The following FER variants were observed in gnomAD, a reference collection of about 807,000 sequenced individuals.
FER encodes the protein tyrosine-protein kinase Fer.
In FER, 63 loss-of-function variants were observed where a neutral mutation model predicts 111.0. That is an observed-to-expected ratio of 0.57 (90% CI 0.46 to 0.70). The LOEUF is 0.70. Among genes scored for constraint, FER ranks in the 30% least tolerant of loss-of-function variants. The pLI is 0.00. For synonymous variants in FER, 327 were observed against 313.9 expected, an observed-to-expected ratio of 1.04 and a Z score of -0.44; for missense variants, 914 against 954.0, an observed-to-expected ratio of 0.96 and a Z score of 0.55.
chr5:108,898,513 C>A (rs977643241), intron 10 of FER, among the ~76,000 whole-genome samples: 1 of 148,206 alleles, frequency 6.7e-6, no homozygotes, highest in Non-Finnish European at 1.5e-5. Context: ...TCTCTCCTTT[C>A]TCCTTCTTCC....
chr5:108,764,796 A>G (rs1374753539), intron 1 of FER, among the ~76,000 whole-genome samples: 1 of 152,198 alleles, frequency 6.6e-6, no homozygotes, highest in Non-Finnish European at 1.5e-5. Context: ...AACTAAGGGG[A>G]TATTTATTAG....
chr5:108,751,600 G>T (rs1750518931), intron 1 of FER, among the ~76,000 whole-genome samples: 1 of 152,130 alleles, frequency 6.6e-6, no homozygotes, highest in Non-Finnish European at 1.5e-5. Flanking sequence ...TAAAATTTTG[G>T]TAACTTGATA....
intron 16 of FER, among the ~76,000 whole-genome samples, chr5:109,091,802 A>C (rs966936996): frequency 5.3e-5 from 8 of 152,174 alleles, no homozygotes; most frequent in Admixed American, 4.6e-4. Flanking sequence ...CCCCCTGGAC[A>C]CACACACTTC....
intron 17 of FER, among the ~76,000 whole-genome samples, chr5:109,117,906 G>A (rs1184375382): frequency 6.6e-6 from 1 of 151,902 alleles, no homozygotes; most frequent in African/African-American, 2.4e-5. Flanking sequence ...AGAAGATTTT[G>A]GGGTGAGACG....
chr5:108,996,635 C>A (rs1349457280), intron 13 of FER, among the ~76,000 whole-genome samples: 1 of 152,170 alleles, frequency 6.6e-6, no homozygotes, highest in African/African-American at 2.4e-5. Context: ...TGTTTTAATA[C>A]CAGTACCATG....
intron 16 of FER, among the ~76,000 whole-genome samples, chr5:109,098,871 T>C (rs760764616): frequency 6.6e-6 from 1 of 151,666 alleles, no homozygotes; most frequent in Non-Finnish European, 1.5e-5. Context: ...ATTTGTATAA[T>C]ACTTAATCTG....
chr5:109,046,364 C>T (rs1011556772), intron 15 of FER, among the ~76,000 whole-genome samples: 7 of 151,758 alleles, frequency 4.6e-5, no homozygotes, highest in African/African-American at 7.3e-5. Flanking sequence ...TATATATATG[C>T]GCTACCCTAG....
chr5:109,022,069 A>G (rs1267121112), intron 13 of FER, among the ~76,000 whole-genome samples: 1 of 152,104 alleles, frequency 6.6e-6, no homozygotes, highest in Admixed American at 6.6e-5. Context: ...TTGGCAGTCT[A>G]CCAGTTACAC....
chr5:109,166,575 T>C (rs1326788752), intron 17 of FER, among the ~76,000 whole-genome samples: 1 of 152,210 alleles, frequency 6.6e-6, no homozygotes, highest in African/African-American at 2.4e-5. Flanking sequence ...TTTTGTCTTA[T>C]AGTACAGTGT....
At chr5:109,109,366 G>A (rs1040545522) in intron 17 of FER, among the ~76,000 whole-genome samples, 8 of 151,990 alleles carry the variant, frequency 5.3e-5, no homozygotes, top group Non-Finnish European at 1.5e-5. Context: ...TAAAATAACT[G>A]GTTTCCTTTT....
chr5:108,983,365 T>C (rs1338433766), intron 13 of FER, among the ~76,000 whole-genome samples: 1 of 152,116 alleles, frequency 6.6e-6, no homozygotes, highest in African/African-American at 2.4e-5. Flanking sequence ...ATTCTTTTAC[T>C]TTACTGTATG....
chr5:109,044,506 T>G (rs1217128365), intron 14 of FER, among the ~76,000 whole-genome samples, 174 bp from the exon 15 acceptor site: 1 of 152,134 alleles, frequency 6.6e-6, no homozygotes, highest in Non-Finnish European at 1.5e-5. Flanking sequence ...TACCACAATA[T>G]GTCCTAGCCA....
chr5:108,825,527 C>G (rs1427733368), intron 3 of FER, among the ~76,000 whole-genome samples: 3 of 152,170 alleles, frequency 2.0e-5, no homozygotes, highest in Non-Finnish European at 4.4e-5. Flanking sequence ...AGGGTGCCCA[C>G]ATTTCATATT....
chr5:108,783,051 C>G (rs1330557377), intron 2 of FER, among the ~76,000 whole-genome samples: 1 of 152,182 alleles, frequency 6.6e-6, no homozygotes, highest in Non-Finnish European at 1.5e-5. Flanking sequence ...TTTGAATTAT[C>G]TTTCAGTCTG....
chr5:109,050,427 G>C (rs1433461534), intron 16 of FER, among the ~76,000 whole-genome samples: 1 of 152,180 alleles, frequency 6.6e-6, no homozygotes. Flanking sequence ...AGTTTGTACT[G>C]TATCTGCTTG....
intron 13 of FER, among the ~76,000 whole-genome samples, chr5:109,008,711 T>C (rs1309856700): frequency 6.6e-6 from 1 of 152,202 alleles, no homozygotes; most frequent in Non-Finnish European, 1.5e-5. Context: ...CCGGGCACAG[T>C]GGCTCACGCC....
At chr5:108,962,730 A>G (rs1232585252) in intron 13 of FER, among the ~76,000 whole-genome samples, 1 of 152,186 alleles carries the variant, frequency 6.6e-6, no homozygotes, top group African/African-American at 2.4e-5. Flanking sequence ...ATAAAATATT[A>G]ATAAGAATTG....
At chr5:108,866,667 A>G (rs1006605388) in intron 5 of FER, among the ~76,000 whole-genome samples, 8 of 152,144 alleles carry the variant, frequency 5.3e-5, no homozygotes, top group Non-Finnish European at 1.0e-4. Context: ...AAAAGAATGC[A>G]AATAAAATTT....
intron 16 of FER, among the ~76,000 whole-genome samples, chr5:109,049,618 C>T (rs985485342): frequency 2.6e-5 from 4 of 151,990 alleles, no homozygotes; most frequent in Non-Finnish European, 5.9e-5. Flanking sequence ...GAACACTCTC[C>T]AGAACACATG....
Sources: allele counts gnomAD v4.1 joint callset (sites outside exome capture counted in the v4.1 genomes callset), GRCh38; gene constraint gnomAD v4.1.1; transcripts MANE v1.5; gene names NCBI Gene and HGNC (gene_info 2026-07-23, HGNC 2026-07-21).